Variants in RAI14 observed in about 807,000 individuals in gnomAD.
RAI14 encodes the protein retinoic acid induced 14, also known as ankycorbin.
In RAI14, 45 loss-of-function variants were observed where a neutral mutation model predicts 115.4. That is an observed-to-expected ratio of 0.39 (90% CI 0.31 to 0.50). The LOEUF is 0.50. Ranked by LOEUF, RAI14 falls within the 20% of genes least tolerant of loss-of-function variation. The probability of loss-of-function intolerance (pLI) is 0.85; values close to 1 mark genes in which losing one functional copy is unlikely to be tolerated. For missense variants in RAI14, 939 were observed against 1,131.2 expected (o/e 0.83, Z 2.44); for synonymous variants, 371 against 415.4 (o/e 0.89, Z 1.30).
intron 2 of RAI14, among the ~76,000 whole-genome samples, chr5:34,733,774 C>A (rs1744489753): frequency 6.6e-6 from 1 of 152,212 alleles, no homozygotes; most frequent in Non-Finnish European, 1.5e-5. Flanking sequence ...CAGCTGGATA[C>A]AGATGCTGTC....
chr5:34,687,804 C>T, intron 2 of RAI14: 4 of 1,488,402 alleles, frequency 2.7e-6, no homozygotes, highest in Middle Eastern at 1.7e-4. Flanking sequence ...TATTGCTTTG[C>T]CGTGAATTAT....
chr5:34,788,099 T>C (rs539255823), intron 3 of RAI14, among the ~76,000 whole-genome samples: 1 of 151,830 alleles, frequency 6.6e-6, no homozygotes, highest in East Asian at 1.9e-4. Context: ...TAAATTTTTT[T>C]GTAAAGACAG....
Position 34,706,395 on chromosome 5 carries a change from GTAAATA to G in RAI14, c.36+19447_36+19452del, listed in dbSNP as rs540783456. ...GAGGACAATGAAGATTTCTTAAAAGGTAAATATAAATAGAATGTCACTTAAGGATTA... is the reference window on the plus strand; with the variant it reads ...GAGGACAATGAAGATTTCTTAAAAGGTAAATAGAATGTCACTTAAGGATTA... On this transcript the variant is annotated intron_variant, in intron 2 of 17. Transcript: ENST00000265109. Among the ~76,000 whole-genome samples, 11 of 152,172 alleles carry G rather than the reference GTAAATA, an allele frequency of 7.2e-5. No individual in the cohort carries two copies. In the East Asian group the frequency reaches 2.1e-3, roughly 29 times the overall value.
chr5:34,774,249 T>C (rs986341425), intron 3 of RAI14, among the ~76,000 whole-genome samples: 10 of 151,364 alleles, frequency 6.6e-5, no homozygotes, highest in African/African-American at 2.4e-4. Flanking sequence ...ACTGTGCCTG[T>C]CATCCCAGCT....
intron 4 of RAI14, among the ~76,000 whole-genome samples, chr5:34,801,736 TAA>T (rs11451518): frequency 1.3e-5 from 2 of 148,242 alleles, no homozygotes; most frequent in Non-Finnish European, 3.0e-5. Context: ...TAAGACTTTC[TAA>T]AAAAAAAAAG....
chr5:34,752,503 A>G (rs376896), intron 2 of RAI14, among the ~76,000 whole-genome samples: 71,762 of 151,316 alleles, frequency 0.47, 18,214 homozygotes, highest in African/African-American at 0.67. Context: ...GAGCGAGTGG[A>G]TGGCCCCCAG....
intron 2 of RAI14, among the ~76,000 whole-genome samples, chr5:34,691,741 C>T (rs193199864): frequency 6.6e-6 from 1 of 152,044 alleles, no homozygotes; most frequent in African/African-American, 2.4e-5. Context: ...GATTTATTCC[C>T]AATTATATAT....
At chr5:34,799,921 T>C (rs930475508) in intron 4 of RAI14, among the ~76,000 whole-genome samples, 2 of 152,072 alleles carry the variant, frequency 1.3e-5, no homozygotes, top group African/African-American at 4.8e-5. Flanking sequence ...TCTCCTGACC[T>C]CGTGATCCGC....
intron 3 of RAI14, among the ~76,000 whole-genome samples, chr5:34,792,853 T>A (rs937537653): frequency 6.6e-6 from 1 of 152,162 alleles, no homozygotes; most frequent in Admixed American, 6.5e-5. Flanking sequence ...TTAGGTAAAA[T>A]ACATGAAGAG....
At chr5:34,814,976 G>C (rs759724005) in intron 12 of RAI14, among the ~76,000 whole-genome samples, 2 of 152,134 alleles carry the variant, frequency 1.3e-5, no homozygotes, top group African/African-American at 4.8e-5. Flanking sequence ...GCTGGGTGCA[G>C]TGGCTCACAC....
At chr5:34,742,519 C>G (rs1462831873) in intron 2 of RAI14, among the ~76,000 whole-genome samples, 1 of 151,046 alleles carries the variant, frequency 6.6e-6, no homozygotes, top group East Asian at 1.9e-4. Context: ...TAAACAATTG[C>G]TTTTTTTTTA....
intron 2 of RAI14, among the ~76,000 whole-genome samples, chr5:34,746,084 C>CT (rs1746155379): frequency 2.0e-5 from 2 of 99,356 alleles, no homozygotes; most frequent in Admixed American, 1.2e-4. Flanking sequence ...CCTTATACAC[C>CT]ACCCCCTCCC....
At chr5:34,762,946 T>A (rs1467126623) in intron 3 of RAI14, among the ~76,000 whole-genome samples, 1 of 122,788 alleles carries the variant, frequency 8.1e-6, no homozygotes, top group Non-Finnish European at 2.0e-5. Context: ...TGTGTGTGTG[T>A]GTGTGTGTGT....
chr5:34,781,980 A>T (rs1751701747), intron 3 of RAI14, among the ~76,000 whole-genome samples: 1 of 152,228 alleles, frequency 6.6e-6, no homozygotes, highest in Non-Finnish European at 1.5e-5. Flanking sequence ...TATGGGAAAT[A>T]TAGGGATGGG....
chr5:34,725,753 G>C (rs1280467047), intron 2 of RAI14, among the ~76,000 whole-genome samples: 1 of 151,810 alleles, frequency 6.6e-6, no homozygotes, highest in African/African-American at 2.4e-5. Flanking sequence ...ATCACTTGAG[G>C]TCAGGAGTTT....
Position 34,746,096 on chromosome 5 carries a change from C to CT in RAI14, c.37-11372_37-11371insT, listed in dbSNP as rs1472423980. Among the ~76,000 whole-genome samples the CT allele has an allele frequency of 4.8e-4, 63 of 132,040 alleles. 3 individuals carry two copies. Among genetic ancestry groups the CT allele is most frequent in the African/African-American group, 1.3e-3 (44 of 33,412 alleles). The allele number at this position is 132,040 out of a possible 152,430, so 86.6% of individuals were successfully genotyped here. A position where few individuals can be genotyped will look rare whatever the true frequency, so the allele number is the denominator to read the frequency against. On this transcript the variant is annotated intron_variant, in intron 2 of 17. Coordinates refer to ENST00000265109, the MANE Select transcript of RAI14 (RefSeq NM_015577.3). ...TCCCCTTATACACCACCCCCTCCCCCCCCCGCCTTTTTTTTTTTTGTTTTT... is the reference window on the plus strand; with the variant it reads ...TCCCCTTATACACCACCCCCTCCCCCTCCCCGCCTTTTTTTTTTTTGTTTTT...
chr5:34,756,065 G>A (rs1382131826), intron 2 of RAI14, among the ~76,000 whole-genome samples: 1 of 152,134 alleles, frequency 6.6e-6, no homozygotes, highest in Non-Finnish European at 1.5e-5. Flanking sequence ...TAAAAACTGG[G>A]AATGGTTCAG....
chr5:34,797,816 G>A (rs774095200), intron 4 of RAI14, among the ~76,000 whole-genome samples: 3 of 152,200 alleles, frequency 2.0e-5, no homozygotes, highest in African/African-American at 4.8e-5. Flanking sequence ...CTAATGAGAT[G>A]TATGTCCTCT....
intron 2 of RAI14, among the ~76,000 whole-genome samples, chr5:34,708,066 G>T (rs1408331993): frequency 1.3e-5 from 2 of 152,158 alleles, no homozygotes; most frequent in East Asian, 3.9e-4. Context: ...AGTAAGGAAA[G>T]GTTATCATGT....
Sources: allele counts gnomAD v4.1 joint callset (sites outside exome capture counted in the v4.1 genomes callset), GRCh38; gene constraint gnomAD v4.1.1; transcripts MANE v1.5; gene names NCBI Gene and HGNC (gene_info 2026-07-23, HGNC 2026-07-21).